GREM2: variants seen among roughly 807,000 people sequenced by gnomAD.
GREM2 encodes gremlin-2.
In GREM2, 11 loss-of-function variants were observed where a neutral mutation model predicts 14.2. The observed-to-expected ratio is 0.78, with a 90% CI of 0.49 to 1.28. The LOEUF (loss-of-function observed/expected upper bound fraction) is 1.28. GREM2 is among the 50% of genes most tolerant of loss of function. The pLI is 0.00. For missense variants in GREM2, 210 were observed against 218.5 expected (o/e 0.96, Z 0.24); for synonymous variants, 98 against 97.6 (o/e 1.00, Z -0.02).
At chr1:240,602,842 G>A (rs1440774431) in intron 1 of GREM2, among the ~76,000 whole-genome samples, 1 of 151,834 alleles carries the variant, frequency 6.6e-6, no homozygotes, top group East Asian at 1.9e-4. Context: ...GGGAGGCCGA[G>A]GCAGGCGGAT....
chr1:240,521,301 G>A (rs1409997662), intron 1 of GREM2, among the ~76,000 whole-genome samples: 1 of 152,182 alleles, frequency 6.6e-6, no homozygotes, highest in Non-Finnish European at 1.5e-5. Flanking sequence ...GGGCGCGGTG[G>A]CTCACGCCTG....
intron 1 of GREM2, among the ~76,000 whole-genome samples, chr1:240,546,169 T>C (rs1023376945): frequency 4.6e-5 from 7 of 151,944 alleles, no homozygotes; most frequent in African/African-American, 1.7e-4. Context: ...ACCCCATCTC[T>C]ACTAAAAGAC....
intron 1 of GREM2, among the ~76,000 whole-genome samples, chr1:240,505,987 A>G (rs1233452348): frequency 1.3e-5 from 2 of 152,242 alleles, no homozygotes; most frequent in East Asian, 3.9e-4. Flanking sequence ...TTTTTTTAAA[A>G]AAAAGATCCA....
chr1:240,577,523 AAG>A (rs1277032704), intron 1 of GREM2, among the ~76,000 whole-genome samples: 8 of 152,222 alleles, frequency 5.3e-5, no homozygotes, highest in African/African-American at 1.7e-4. Flanking sequence ...ATATGCATGT[AAG>A]AGTGATTGAT....
In GREM2 at chr1:240,493,197, G is replaced by A. The variant is rs1251654169; in HGVS notation, c.279C>T (p.Leu93=). The change falls in exon 2 of 2, where the codon CTC becomes CTT. Residue 93 remains leucine (L), a synonymous_variant. Coordinates refer to ENST00000318160, the MANE Select transcript of GREM2 (RefSeq NM_022469.4). The stretch of plus-strand genomic sequence containing the variant: ...TGCACTGGCCGTAGCAGAAGCGGTT[G>A]AGGATGGTGCGGCTCCGGCAGCCCT... ...SEEGCRSRTI[L]NRFCYGQCNS... is the part of the protein sequence containing the mutation. The A allele has an allele frequency of 1.2e-5, 20 of 1,614,064 alleles. No individual in the cohort carries two copies. The highest frequency in any genetic ancestry group is 1.4e-5 in the Non-Finnish European group (17 of 1,180,046).
intron 1 of GREM2, among the ~76,000 whole-genome samples, chr1:240,607,215 C>A (rs548457374): frequency 6.6e-6 from 1 of 152,194 alleles, no homozygotes; most frequent in African/African-American, 2.4e-5. Context: ...CAGTGAGCCA[C>A]TTCCGCCTTC....
chr1:240,515,048 T>C (rs902332755), intron 1 of GREM2, among the ~76,000 whole-genome samples: 1 of 152,066 alleles, frequency 6.6e-6, no homozygotes, highest in African/African-American at 2.4e-5. Context: ...CCACATTAGA[T>C]AGGAAAGAGG....
At chr1:240,578,437 T>C (rs1266088967) in intron 1 of GREM2, among the ~76,000 whole-genome samples, 3 of 151,952 alleles carry the variant, frequency 2.0e-5, no homozygotes, top group Non-Finnish European at 2.9e-5. Flanking sequence ...CAGCTTACTC[T>C]TTTTTACTAC....
intron 1 of GREM2, among the ~76,000 whole-genome samples, chr1:240,562,286 G>A (rs775369006): frequency 7.2e-5 from 11 of 152,174 alleles, no homozygotes; most frequent in Non-Finnish European, 1.6e-4. Flanking sequence ...TTTGTGAACT[G>A]TATGACCCTG....
chr1:240,565,890 C>T (rs1281257958), intron 1 of GREM2, among the ~76,000 whole-genome samples: 3 of 151,578 alleles, frequency 2.0e-5, no homozygotes, highest in Non-Finnish European at 2.9e-5. Context: ...TCAGTTATTC[C>T]TATTTATTGT....
intron 1 of GREM2, among the ~76,000 whole-genome samples, chr1:240,560,517 G>T (rs1374358304): frequency 6.6e-6 from 1 of 152,108 alleles, no homozygotes; most frequent in East Asian, 1.9e-4. Flanking sequence ...TATATGAACT[G>T]AACCAAACTG....
chr1:240,580,370 G>C (rs896527368), intron 1 of GREM2, among the ~76,000 whole-genome samples: 1 of 152,082 alleles, frequency 6.6e-6, no homozygotes, highest in Non-Finnish European at 1.5e-5. Context: ...CAATAAAAAT[G>C]GTTTGAATTT....
chr1:240,493,160 TGTAG>T lies in GREM2; in HGVS notation c.312_315del (p.Phe104LeufsTer6). The T allele has an allele frequency of 6.2e-7, 1 of 1,614,118 alleles. No individual in the cohort carries two copies. Among genetic ancestry groups the T allele is most frequent in the Non-Finnish European group, 8.5e-7 (1 of 1,180,004 alleles). On this transcript the variant is annotated frameshift_variant, in exon 2 of 2. Transcript: ENST00000318160. LOFTEE classifies it high-confidence loss of function. ...TCCTCCTTCTTCACGTGCCGCGGGA[TGTAG>T]AAGGAGTTGCACTGGCCGTAGCAGA...
intron 1 of GREM2, among the ~76,000 whole-genome samples, chr1:240,523,858 A>C (rs1678160419): frequency 6.6e-6 from 1 of 152,192 alleles, no homozygotes. Flanking sequence ...AGGCCATGGC[A>C]GTTTGTATGC....
intron 1 of GREM2, among the ~76,000 whole-genome samples, chr1:240,595,570 G>C (rs1679804922): frequency 6.6e-6 from 1 of 152,062 alleles, no homozygotes; most frequent in Non-Finnish European, 1.5e-5. Context: ...TCCCTAATAA[G>C]GGAATTTCAG....
chr1:240,515,429 C>A (rs1486544703), intron 1 of GREM2, among the ~76,000 whole-genome samples: 1 of 152,142 alleles, frequency 6.6e-6, no homozygotes, highest in Non-Finnish European at 1.5e-5. Flanking sequence ...TACTTTCTCC[C>A]CCTTTAATGA....
intron 1 of GREM2, among the ~76,000 whole-genome samples, chr1:240,608,443 T>A (rs892749721): frequency 6.6e-6 from 1 of 152,184 alleles, no homozygotes. Context: ...ATACAATGCA[T>A]TATCCAGGGT....
At chr1:240,506,651 T>C (rs1170001125) in intron 1 of GREM2, among the ~76,000 whole-genome samples, 4 of 152,208 alleles carry the variant, frequency 2.6e-5, no homozygotes, top group African/African-American at 9.6e-5. Flanking sequence ...ATTCTCCATT[T>C]ATGAGGCTAT....
chr1:240,605,496 A>C (rs1436566327), intron 1 of GREM2, among the ~76,000 whole-genome samples: 2 of 152,074 alleles, frequency 1.3e-5, no homozygotes, highest in Non-Finnish European at 2.9e-5. Context: ...AAAAACAAAC[A>C]AACAAACAAA....
Sources: allele counts gnomAD v4.1 joint callset (sites outside exome capture counted in the v4.1 genomes callset), GRCh38; gene constraint gnomAD v4.1.1; transcripts MANE v1.5; gene names NCBI Gene and HGNC (gene_info 2026-07-23, HGNC 2026-07-21).